PKNOX2: variants seen among roughly 807,000 people sequenced by gnomAD.
The protein encoded by PKNOX2 is PBX/knotted 1 homeobox 2.
In PKNOX2, 14 loss-of-function variants were observed where a neutral mutation model predicts 53.1. The observed-to-expected ratio is 0.26, with a 90% confidence interval of 0.17 to 0.41. The LOEUF (loss-of-function observed/expected upper bound fraction) is 0.41, where lower values mean the gene tolerates loss of function less well. Among genes scored for constraint, PKNOX2 ranks in the 10% least tolerant of loss-of-function variants. The probability of loss-of-function intolerance (pLI) is 1.00; values close to 1 mark genes in which losing one functional copy is unlikely to be tolerated. For missense variants in PKNOX2, 496 were observed against 602.8 expected, an observed-to-expected ratio of 0.82 and a Z score of 1.85; for synonymous variants, 257 against 242.8, an observed-to-expected ratio of 1.06 and a Z score of -0.54.
At chr11:125,390,560 GACCCAAGAC>G (rs1248062387) in intron 6 of PKNOX2, among the ~76,000 whole-genome samples, 1 of 152,240 alleles carries the variant, frequency 6.6e-6, no homozygotes, top group East Asian at 1.9e-4. Context: ...GTAGGTGGAA[GACCCAAGAC>G]ACCCAAGACC....
chr11:125,297,340 G>T (rs1371064788), intron 2 of PKNOX2, among the ~76,000 whole-genome samples: 3 of 152,194 alleles, frequency 2.0e-5, no homozygotes, highest in African/African-American at 7.2e-5. Flanking sequence ...ACCTGAGTAT[G>T]CCAGGCCTTC....
chr11:125,360,157 A>G (rs1050815360), intron 4 of PKNOX2, among the ~76,000 whole-genome samples: 1 of 152,060 alleles, frequency 6.6e-6, no homozygotes, highest in Non-Finnish European at 1.5e-5. Context: ...AAAAAAAAAA[A>G]AAAGAAAAAG....
At chr11:125,358,261 C>T (rs566339611) in intron 4 of PKNOX2, among the ~76,000 whole-genome samples, 3 of 152,248 alleles carry the variant, frequency 2.0e-5, no homozygotes, top group African/African-American at 4.8e-5. Flanking sequence ...CACACACGCA[C>T]ACACATAGAT....
chr11:125,281,128 C>T (rs552740095), intron 2 of PKNOX2, among the ~76,000 whole-genome samples: 1 of 152,338 alleles, frequency 6.6e-6, no homozygotes, highest in South Asian at 2.1e-4. Context: ...TCAGCTTTGT[C>T]TGGAGCTCAG....
At chr11:125,381,076 A>C (rs1488107540) in intron 5 of PKNOX2, among the ~76,000 whole-genome samples, 2 of 152,194 alleles carry the variant, frequency 1.3e-5, no homozygotes, top group Non-Finnish European at 2.9e-5. Flanking sequence ...CTCAGTGGGC[A>C]GTGCAGTGTC....
chr11:125,256,155 ATATTT>A (rs1184170805), intron 2 of PKNOX2, among the ~76,000 whole-genome samples: 2 of 151,982 alleles, frequency 1.3e-5, no homozygotes, highest in African/African-American at 4.8e-5. Context: ...GCCACAGAAA[ATATTT>A]TATTCCAGGG....
intron 2 of PKNOX2, among the ~76,000 whole-genome samples, chr11:125,310,191 T>C (rs961361396): frequency 6.6e-6 from 1 of 152,100 alleles, no homozygotes; most frequent in Non-Finnish European, 1.5e-5. Context: ...TCATCTCTTC[T>C]TTCTTTCATA....
chr11:125,170,484 C>T (rs1184012855), intron 1 of PKNOX2, among the ~76,000 whole-genome samples: 4 of 152,138 alleles, frequency 2.6e-5, no homozygotes, highest in East Asian at 1.9e-4. Flanking sequence ...GTTTTCCTCC[C>T]GTCCAGAACC....
intron 2 of PKNOX2, chr11:125,287,681 GA>G (rs1946997690): frequency 1.3e-5 from 2 of 152,258 alleles, no homozygotes; most frequent in Non-Finnish European, 2.9e-5. Flanking sequence ...GGAAATTCCT[GA>G]AGACTCAGTC....
At chr11:125,401,846 GGCCTGAAATA>G (rs1255540325) in intron 7 of PKNOX2, among the ~76,000 whole-genome samples, 1 of 151,956 alleles carries the variant, frequency 6.6e-6, no homozygotes, top group African/African-American at 2.4e-5. Flanking sequence ...TAATCCCCCC[GGCCTGAAATA>G]GCCTGAGCAC....
chr11:125,301,911 C>A (rs899023791), intron 2 of PKNOX2, among the ~76,000 whole-genome samples: 3 of 152,218 alleles, frequency 2.0e-5, no homozygotes, highest in African/African-American at 4.8e-5. Flanking sequence ...GTCATTTTGG[C>A]CAACATTTAC....
intron 2 of PKNOX2, chr11:125,258,760 G>A (rs565817211): frequency 5.2e-4 from 126 of 241,386 alleles, no homozygotes; most frequent in Non-Finnish European, 4.7e-4. Context: ...CCCTGCTGCC[G>A]CCCTGGCTGC....
intron 1 of PKNOX2, among the ~76,000 whole-genome samples, chr11:125,218,573 G>T (rs912792517): frequency 6.6e-6 from 1 of 152,178 alleles, no homozygotes; most frequent in South Asian, 2.1e-4. Flanking sequence ...TGTAGGCAGG[G>T]ACAGGGTGAG....
At chr11:125,255,256 G>T (rs1944326245) in intron 2 of PKNOX2, among the ~76,000 whole-genome samples, 1 of 152,134 alleles carries the variant, frequency 6.6e-6, no homozygotes, top group Non-Finnish European at 1.5e-5. Context: ...CCCAGTGAGG[G>T]TTCTCTATAT....
chr11:125,239,257 A>C (rs185600054), intron 2 of PKNOX2, among the ~76,000 whole-genome samples: 57 of 152,322 alleles, frequency 3.7e-4, no homozygotes, highest in Non-Finnish European at 6.5e-4. Context: ...ATATTGAATG[A>C]GCAATAAAGA....
chr11:125,227,076 T>C (rs1370546799), intron 1 of PKNOX2, among the ~76,000 whole-genome samples: 2 of 152,172 alleles, frequency 1.3e-5, no homozygotes, highest in Non-Finnish European at 2.9e-5. Context: ...GAGATATTAG[T>C]GGTGGCATAT....
chr11:125,361,641 C>T (rs1012808347), intron 4 of PKNOX2, among the ~76,000 whole-genome samples: 2 of 152,064 alleles, frequency 1.3e-5, no homozygotes, highest in Admixed American at 6.5e-5. Flanking sequence ...ATACATGTGC[C>T]ATGTTGGTGT....
intron 1 of PKNOX2, among the ~76,000 whole-genome samples, chr11:125,199,916 G>T (rs1323249460): frequency 6.6e-6 from 1 of 152,216 alleles, no homozygotes; most frequent in African/African-American, 2.4e-5. Context: ...TGTATGGACT[G>T]GACGAGACAG....
chr11:125,358,993 G>T (rs1421914694), intron 4 of PKNOX2, among the ~76,000 whole-genome samples: 2 of 152,218 alleles, frequency 1.3e-5, no homozygotes, highest in Admixed American at 1.3e-4. Context: ...AGCAGGAAAG[G>T]CTTCTTGGAA....
Sources: gnomAD v4.1 joint callset for allele counts (sites outside exome capture counted in the v4.1 genomes callset) on GRCh38, gnomAD v4.1.1 for gene constraint, MANE v1.5 for transcripts, NCBI Gene and HGNC (gene_info 2026-07-23, HGNC 2026-07-21) for gene names.